Variants in EYS observed in about 807,000 individuals in gnomAD.
EYS encodes protein eyes shut homolog.
EYS carries 250 observed loss-of-function variants against 282.1 expected under a neutral mutation model. The ratio of observed to expected loss-of-function variants is 0.89; its 90% CI spans 0.80 to 0.98. The LOEUF (loss-of-function observed/expected upper bound fraction) is 0.98. Ranked by LOEUF, EYS falls within the 50% of genes least tolerant of loss-of-function variation. EYS has a pLI of 0.00. For missense variants in EYS, 4,016 were observed against 3,709.0 expected, an observed-to-expected ratio of 1.08 and a Z score of -2.15; for synonymous variants, 1,355 against 1,282.9, an observed-to-expected ratio of 1.06 and a Z score of -1.20.
intron 30 of EYS, among the ~76,000 whole-genome samples, chr6:64,248,606 A>C (rs1767096431): frequency 1.3e-5 from 2 of 152,188 alleles, no homozygotes; most frequent in Admixed American, 1.3e-4. Flanking sequence ...GGATACAGGG[A>C]AAAGGTAACT....
At chr6:64,497,777 T>C (rs951437439) in intron 26 of EYS, among the ~76,000 whole-genome samples, 6 of 152,286 alleles carry the variant, frequency 3.9e-5, no homozygotes, top group African/African-American at 1.4e-4. Flanking sequence ...TGATGCTGTT[T>C]TGATTATTTG....
intron 5 of EYS, among the ~76,000 whole-genome samples, chr6:65,410,374 C>G (rs1280463838): frequency 6.6e-6 from 1 of 151,966 alleles, no homozygotes; most frequent in Non-Finnish European, 1.5e-5. Context: ...TCACCTCATG[C>G]CTTTATCATT....
chr6:64,408,891 C>T (rs186895671), intron 28 of EYS, among the ~76,000 whole-genome samples: 2 of 152,248 alleles, frequency 1.3e-5, no homozygotes, highest in African/African-American at 4.8e-5. Context: ...ATGACTTTGT[C>T]ACCCAGGTAA....
At position 63,879,751 on chromosome 6, in the gene EYS, G is replaced by T. The variant is rs146561192; in HGVS notation, c.7056-15393C>A. Among the ~76,000 whole-genome samples the T allele has an allele frequency of 5.2e-3, 791 of 152,204 alleles. 9 individuals carry two copies. The highest frequency in any genetic ancestry group is 0.017 in the African/African-American group (705 of 41,522). ...GACTGAGTAGAAAGTATTTCAGCTC[G>T]TTTCCATACAACTGTTGTTATTGTT... is the stretch of plus-strand genomic sequence containing the variant. On this transcript the variant is annotated intron_variant, in intron 35 of 42. Transcript: ENST00000503581.
At chr6:64,527,855 G>T (rs1245438693) in intron 26 of EYS, among the ~76,000 whole-genome samples, 1 of 151,594 alleles carries the variant, frequency 6.6e-6, no homozygotes, top group Admixed American at 6.6e-5. Context: ...TAAATGTAAA[G>T]ACAAGGGAAA....
At chr6:64,053,953 T>A (rs4710261) in intron 33 of EYS, among the ~76,000 whole-genome samples, 32,887 of 152,044 alleles carry the variant, frequency 0.22, 3,792 homozygotes, top group Middle Eastern at 0.33. Flanking sequence ...CTTTACATAC[T>A]TAACTAATCC....
In EYS at chr6:65,622,417, T is replaced by C. The variant is rs1766536824; in HGVS notation, c.-333+17361A>G. Among the ~76,000 whole-genome samples the C allele has an allele frequency of 1.3e-5, 2 of 152,128 alleles. 1 individual carries two copies. The highest frequency in any genetic ancestry group is 2.9e-5 in the Non-Finnish European group (2 of 68,040). On this transcript the variant is annotated intron_variant, in intron 2 of 42. Coordinates refer to ENST00000503581, the MANE Select transcript of EYS (RefSeq NM_001142800.2). ...AATTACTTCTGCTATTAATCAAATTTTCCTTAGACATGTTTTCCATTATTA... is the reference window on the plus strand; with the variant it reads ...AATTACTTCTGCTATTAATCAAATTCTCCTTAGACATGTTTTCCATTATTA...
At chr6:64,983,689 C>T (rs1302248985) in intron 14 of EYS, among the ~76,000 whole-genome samples, 1 of 151,310 alleles carries the variant, frequency 6.6e-6, no homozygotes, top group Non-Finnish European at 1.5e-5. Flanking sequence ...GCTGATTTAA[C>T]AACAGGTGCT....
At chr6:65,065,691 A>T (rs1773724939) in intron 12 of EYS, among the ~76,000 whole-genome samples, 1 of 152,142 alleles carries the variant, frequency 6.6e-6, no homozygotes, top group Admixed American at 6.6e-5. Flanking sequence ...CCAGAAAGCA[A>T]CATCTTTTAA....
intron 30 of EYS, among the ~76,000 whole-genome samples, chr6:64,300,337 C>T (rs890468258): frequency 6.6e-6 from 1 of 152,130 alleles, no homozygotes. Context: ...AACACTGCTG[C>T]CGTCTAGCTC....
At chr6:64,861,413 CA>C (rs1275443605) in intron 19 of EYS, among the ~76,000 whole-genome samples, 1 of 152,174 alleles carries the variant, frequency 6.6e-6, no homozygotes, top group East Asian at 1.9e-4. Flanking sequence ...CCAGTGAGGT[CA>C]GGGGTGCTTC....
intron 35 of EYS, among the ~76,000 whole-genome samples, chr6:63,956,920 T>A (rs985873624): frequency 3.3e-5 from 5 of 152,184 alleles, no homozygotes; most frequent in African/African-American, 9.6e-5. Flanking sequence ...GGTTATCATC[T>A]CATGAAACTA....
chr6:63,822,202 T>G (rs1771342908), intron 36 of EYS: 1 of 152,156 alleles, frequency 6.6e-6, no homozygotes, highest in Admixed American at 6.5e-5. Flanking sequence ...CAACCTCCTC[T>G]TCTCGAGTTC....
chr6:64,997,823 AATT>A, intron 13 of EYS, 120 bp from the exon 14 acceptor site: 1 of 815,966 alleles, frequency 1.2e-6, no homozygotes, highest in East Asian at 2.9e-5. Flanking sequence ...ATAAAGTAAG[AATT>A]ATTATATTTA....
intron 12 of EYS, among the ~76,000 whole-genome samples, chr6:65,245,274 G>A (rs1767150956): frequency 6.6e-6 from 1 of 152,076 alleles, no homozygotes; most frequent in South Asian, 2.1e-4. Context: ...AGTTTGAGAA[G>A]GAAATATGCA....
chr6:64,354,271 A>G (rs1771748038), intron 29 of EYS, among the ~76,000 whole-genome samples: 1 of 151,670 alleles, frequency 6.6e-6, no homozygotes, highest in Admixed American at 6.6e-5. Flanking sequence ...TTGTTAACAG[A>G]TACCCTAATT....
intron 16 of EYS, among the ~76,000 whole-genome samples, chr6:64,909,429 C>T (rs1445657204): frequency 6.6e-6 from 1 of 152,064 alleles, no homozygotes; most frequent in Admixed American, 6.6e-5. Context: ...ATAAAATGTG[C>T]CTTCCTATGT....
At chr6:64,566,809 T>C (rs1765580076) in intron 26 of EYS, among the ~76,000 whole-genome samples, 1 of 152,160 alleles carries the variant, frequency 6.6e-6, no homozygotes, top group African/African-American at 2.4e-5. Flanking sequence ...AGTCTCACTC[T>C]ATTGCCCAGG....
chr6:65,531,416 G>A (rs1053723081), intron 2 of EYS, among the ~76,000 whole-genome samples: 5 of 152,056 alleles, frequency 3.3e-5, no homozygotes, highest in Admixed American at 1.3e-4. Context: ...TTCAGCATTC[G>A]GGATTCTGGG....
Sources: allele counts gnomAD v4.1 joint callset (sites outside exome capture counted in the v4.1 genomes callset), GRCh38; gene constraint gnomAD v4.1.1; transcripts MANE v1.5; gene names NCBI Gene and HGNC (gene_info 2026-07-23, HGNC 2026-07-21).